KCNK9: variants seen among roughly 807,000 people sequenced by gnomAD.
The protein encoded by KCNK9 is potassium channel subfamily K member 9.
In KCNK9, 1 loss-of-function variant was observed where a neutral mutation model predicts 10.8. The ratio of observed to expected loss-of-function variants is 0.09; its 90% CI spans 0.03 to 0.44. KCNK9 has a LOEUF of 0.44. KCNK9 is among the 20% of genes least tolerant of loss of function. The pLI is 0.97. For missense variants in KCNK9, 303 were observed against 515.0 expected, an observed-to-expected ratio of 0.59 and a Z score of 3.98; for synonymous variants, 231 against 222.7, an observed-to-expected ratio of 1.04 and a Z score of -0.33.
At chr8:139,659,624 G>C (rs1328143988) in intron 1 of KCNK9, among the ~76,000 whole-genome samples, 1 of 151,272 alleles carries the variant, frequency 6.6e-6, no homozygotes, top group Non-Finnish European at 1.5e-5. Flanking sequence ...CCGTTCTCTT[G>C]CCTCAGCCAC....
intron 1 of KCNK9, among the ~76,000 whole-genome samples, chr8:139,651,038 C>A (rs1343024268): frequency 6.6e-6 from 1 of 152,092 alleles, no homozygotes; most frequent in African/African-American, 2.4e-5. Flanking sequence ...AGGGAGCCCA[C>A]CCCCTTCTGC....
chr8:139,610,289 G>A (rs894087955), downstream of KCNK9, among the ~76,000 whole-genome samples: 4 of 152,196 alleles, frequency 2.6e-5, no homozygotes, highest in African/African-American at 4.8e-5. Flanking sequence ...CTCCTGGGGG[G>A]TGAGGGGAAC....
intron 1 of KCNK9, among the ~76,000 whole-genome samples, chr8:139,699,546 T>C (rs1375526434): frequency 1.3e-5 from 2 of 152,116 alleles, no homozygotes; most frequent in Non-Finnish European, 2.9e-5. Context: ...TCCGCAGAAA[T>C]AGCTACAAGT....
intron 1 of KCNK9, among the ~76,000 whole-genome samples, chr8:139,678,719 C>G (rs543785432): frequency 1.0e-3 from 152 of 152,266 alleles, no homozygotes; most frequent in Non-Finnish European, 1.8e-3. Flanking sequence ...GTGGGCTGTT[C>G]TGGCCCCCAG....
At chr8:139,675,781 C>T (rs1816535724) in intron 1 of KCNK9, among the ~76,000 whole-genome samples, 1 of 151,956 alleles carries the variant, frequency 6.6e-6, no homozygotes, top group African/African-American at 2.4e-5. Flanking sequence ...TTTTCACAAC[C>T]CAAGTCAACC....
chr8:139,608,934 T>C (rs919192216), downstream of KCNK9, among the ~76,000 whole-genome samples: 8 of 152,174 alleles, frequency 5.3e-5, no homozygotes, highest in Admixed American at 3.3e-4. Flanking sequence ...CACATCTTTT[T>C]CTGGCTGACC....
At chr8:139,695,261 A>G (rs1817023504) in intron 1 of KCNK9, among the ~76,000 whole-genome samples, 1 of 152,268 alleles carries the variant, frequency 6.6e-6, no homozygotes, top group African/African-American at 2.4e-5. Context: ...AACTGAGGAC[A>G]TTAACAGAAG....
intron 1 of KCNK9, among the ~76,000 whole-genome samples, chr8:139,683,301 C>T (rs545402231): frequency 3.1e-4 from 47 of 152,246 alleles, no homozygotes; most frequent in African/African-American, 1.1e-3. Context: ...GAGCACCCGC[C>T]CCACCCCTGC....
intron 1 of KCNK9, among the ~76,000 whole-genome samples, chr8:139,684,405 T>C (rs1816748556): frequency 6.6e-6 from 1 of 152,244 alleles, no homozygotes; most frequent in Non-Finnish European, 1.5e-5. Context: ...TATACACCCA[T>C]ATTTTGTGAC....
Position 139,702,653 on chromosome 8 carries a change from C to T in KCNK9, c.283+57G>A. 2 of 1,526,736 alleles carry T rather than the reference C, an allele frequency of 1.3e-6. No individual in the cohort carries two copies. The highest frequency in any genetic ancestry group is 1.2e-5 in the South Asian group (1 of 84,118). The allele number at this position is 1,526,736 out of a possible 1,614,324, so 94.6% of individuals were successfully genotyped here. On this transcript the variant is annotated intron_variant, in intron 1 of 1. Coordinates refer to ENST00000520439, the MANE Select transcript of KCNK9 (RefSeq NM_001282534.2). The surrounding 1 kb of genome is among the most constrained non-coding windows in gnomAD (Gnocchi z 7.5). ...ACCCAGCCCGGCGCGGCGCGCTCAG[C>T]CGCCTCCCCGGACTCCTCCCGGGGC...
chr8:139,654,951 G>A (rs1342933393), intron 1 of KCNK9, among the ~76,000 whole-genome samples: 2 of 152,124 alleles, frequency 1.3e-5, no homozygotes, highest in Non-Finnish European at 2.9e-5. Flanking sequence ...TGGAAAGATG[G>A]GTGACGGACG....
At chr8:139,644,724 C>CG (rs879693608) in intron 1 of KCNK9, among the ~76,000 whole-genome samples, 13 of 150,478 alleles carry the variant, frequency 8.6e-5, no homozygotes, top group Admixed American at 6.0e-4. Context: ...GTCCCCCCCC[C>CG]CCAGAGCCTC....
chr8:139,696,644 G>A (rs973671792), intron 1 of KCNK9, among the ~76,000 whole-genome samples: 10 of 152,212 alleles, frequency 6.6e-5, no homozygotes, highest in Non-Finnish European at 1.5e-4. Context: ...AGGGAGGGAA[G>A]GAGGGAGGGA....
rs1056909214 is a variant in KCNK9 at position 139,634,118 on chromosome 8, G to A, written c.284-15019C>T. 1.2e-4 allele frequency among the ~76,000 whole-genome samples: 19 copies of A among 152,354 alleles called. 1 individual carries two copies. Among genetic ancestry groups the A allele is most frequent in the Admixed American group, 1.1e-3 (17 of 15,302 alleles). ...ACCCAGGGCTGGGACAGCTTAGCAC[G>A]GTGGACTCATGGGCCTGAGTCAAGG... On this transcript the variant is annotated intron_variant, in intron 1 of 1. Coordinates refer to ENST00000520439, the MANE Select transcript of KCNK9 (RefSeq NM_001282534.2).
intron 1 of KCNK9, among the ~76,000 whole-genome samples, chr8:139,621,020 C>T (rs990026215): frequency 6.6e-6 from 1 of 152,190 alleles, no homozygotes; most frequent in Non-Finnish European, 1.5e-5. Flanking sequence ...CAGTGCTTCA[C>T]ACCTGTAATC....
intron 1 of KCNK9, among the ~76,000 whole-genome samples, chr8:139,632,733 G>A (rs1815211398): frequency 1.3e-5 from 2 of 152,200 alleles, no homozygotes; most frequent in Non-Finnish European, 2.9e-5. Context: ...GGTGCCTCCA[G>A]CTGTTAGGAG....
downstream of KCNK9, among the ~76,000 whole-genome samples, chr8:139,614,724 G>A (rs1563714635): frequency 1.3e-5 from 2 of 152,232 alleles, no homozygotes; most frequent in Admixed American, 1.3e-4. Flanking sequence ...GTGCAATGAG[G>A]ATTATAGCTG....
chr8:139,609,106 A>ACCC (rs1554617339), downstream of KCNK9, among the ~76,000 whole-genome samples: 2 of 123,850 alleles, frequency 1.6e-5, no homozygotes, highest in African/African-American at 3.2e-5. Flanking sequence ...GACCCATCCC[A>ACCC]CCCCACCCCG....
intron 1 of KCNK9, among the ~76,000 whole-genome samples, chr8:139,699,469 C>A (rs1464409388): frequency 2.0e-5 from 3 of 152,230 alleles, no homozygotes; most frequent in Non-Finnish European, 4.4e-5. Context: ...AAGGAAACTA[C>A]AGGGTACCTA....
Sources: gnomAD v4.1 joint callset for allele counts (sites outside exome capture counted in the v4.1 genomes callset) on GRCh38, gnomAD v4.1.1 for gene constraint, Gnocchi (gnomAD v3.1) non-coding constraint, MANE v1.5 for transcripts, NCBI Gene and HGNC (gene_info 2026-07-23, HGNC 2026-07-21) for gene names.